CDK15: variants seen among roughly 807,000 people sequenced by gnomAD.
CDK15 encodes the protein cyclin-dependent kinase 15.
A neutral mutation model predicts 60.3 loss-of-function variants in CDK15; 62 were observed. The ratio of observed to expected loss-of-function variants is 1.03; its 90% CI spans 0.84 to 1.27. CDK15 has a LOEUF of 1.27. Among genes scored for constraint, CDK15 ranks in the 50% most tolerant of loss-of-function variants. CDK15 has a pLI of 0.00. For synonymous variants in CDK15, 194 were observed against 195.7 expected, an observed-to-expected ratio of 0.99 and a Z score of 0.07; for missense variants, 541 against 527.8, an observed-to-expected ratio of 1.03 and a Z score of -0.25.
chr2:201,837,046 C>T (rs112014270), intron 8 of CDK15, among the ~76,000 whole-genome samples: 2,832 of 152,018 alleles, frequency 0.019, 35 homozygotes, highest in Middle Eastern at 0.051. Context: ...GTAATCACAG[C>T]GCTTTGGGAG....
rs575295994 is a variant in CDK15 at position 201,882,948 on chromosome 2, C to T, written c.1198+2781C>T. Among the ~76,000 whole-genome samples the T allele has an allele frequency of 3.3e-5, 5 of 152,302 alleles. No individual in the cohort carries two copies. The South Asian group carries it at 1.0e-3, about 32-fold the overall frequency. ...GCAATGAGCCTTTATTAACAGCCTC[C>T]TTTGCAGACAGAGCACACCAGTGGG... is the stretch of plus-strand genomic sequence containing the variant. On this transcript the variant is annotated intron_variant, in intron 12 of 13. Transcript: ENST00000652192. The surrounding 1 kb of genome is among the most constrained non-coding windows in gnomAD (Gnocchi z 4.0).
chr2:201,810,864 A>G (rs1225504799), intron 3 of CDK15, among the ~76,000 whole-genome samples: 2 of 132,788 alleles, frequency 1.5e-5, no homozygotes, highest in Admixed American at 1.7e-4. Context: ...TTTTTTTCTC[A>G]GATGGAGTCT....
chr2:201,850,355 T>G (rs2105780230), intron 9 of CDK15, among the ~76,000 whole-genome samples: 1 of 152,356 alleles, frequency 6.6e-6, no homozygotes, highest in East Asian at 1.9e-4. Context: ...TTTACGGTTC[T>G]TTAGTGTTCA....
chr2:201,890,462 CTT>C (rs1321662294), intron 12 of CDK15, among the ~76,000 whole-genome samples: 2 of 152,172 alleles, frequency 1.3e-5, no homozygotes, highest in Non-Finnish European at 2.9e-5. Context: ...TATCATAATC[CTT>C]TGTTTGTGCC....
At chr2:201,888,033 CTTTT>C (rs80136808) in intron 12 of CDK15, among the ~76,000 whole-genome samples, 10 of 126,444 alleles carry the variant, frequency 7.9e-5, no homozygotes, top group Admixed American at 1.6e-4. Flanking sequence ...AATTTTCAAC[CTTTT>C]TTTTTTTTTT....
Position 201,880,144 on chromosome 2 carries a change from C to T in CDK15, c.1175C>T (p.Ser392Phe). The T allele has an allele frequency of 6.2e-7, 1 of 1,614,056 alleles. No homozygotes were observed. The highest frequency in any genetic ancestry group is 8.5e-7 in the Non-Finnish European group (1 of 1,180,008). Residue 392 changes from serine (S) to phenylalanine (F), a missense_variant, in exon 12 of 14, where the codon TCT (serine) becomes TTT (phenylalanine). Transcript: ENST00000652192. Reference sequence around the variant, plus strand: ...CATGATTATTTCAGCGCCCTGCCATCTCAGCTGTACCAGCTTCCTGATGGT... The same window carrying T: ...CATGATTATTTCAGCGCCCTGCCATTTCAGCTGTACCAGCTTCCTGATGGT... ...LVHDYFSALPSQLYQLPDEES... is the reference protein window; with the variant it reads ...LVHDYFSALPFQLYQLPDEES...
intron 8 of CDK15, 149 bp from the exon 9 acceptor site, chr2:201,847,232 G>C: frequency 1.5e-6 from 1 of 675,222 alleles, no homozygotes; most frequent in Middle Eastern, 3.9e-4. Flanking sequence ...TTGACATAGG[G>C]ACTTTTTTTT....
At chr2:201,878,123 A>G (rs1699148271) in intron 11 of CDK15, among the ~76,000 whole-genome samples, 1 of 152,202 alleles carries the variant, frequency 6.6e-6, no homozygotes, top group African/African-American at 2.4e-5. Context: ...CAGTCCCATG[A>G]TCAGCTGCCC....
intron 2 of CDK15, 79 bp downstream of exon 2, chr2:201,807,722 A>G (rs1352413029): frequency 6.3e-7 from 1 of 1,585,144 alleles, no homozygotes; most frequent in Non-Finnish European, 8.6e-7. Flanking sequence ...TTCCAGGGCA[A>G]TTACTGAGCG....
rs1378851631 is a variant in CDK15, at chr2:201,822,918, C to T, written c.543+15C>T. ...TTGAATACATGGTGAGTTGTTCGAG[C>T]ATTTTACAACACTTGAGAAAAATAA... On this transcript the variant is annotated intron_variant, in intron 5 of 13. Transcript: ENST00000652192. 12 of 1,453,936 alleles carry T rather than the reference C, an allele frequency of 8.3e-6. No homozygotes were observed. The highest frequency in any genetic ancestry group is 1.2e-5 in the Non-Finnish European group (12 of 1,035,598). 90.1% of individuals were successfully genotyped at this position (1,453,936 alleles called of 1,614,324 possible).
At chr2:201,836,059 TA>T (rs1697031048) in intron 8 of CDK15, among the ~76,000 whole-genome samples, 1 of 6,504 alleles carries the variant, frequency 1.5e-4, no homozygotes, top group African/African-American at 3.0e-4. Context: ...ATATATATAT[TA>T]TATATATTTA....
At chr2:201,835,997 TA>T (rs1176708208) in intron 8 of CDK15, among the ~76,000 whole-genome samples, 67 of 9,826 alleles carry the variant, frequency 6.8e-3, no homozygotes, top group African/African-American at 8.7e-3. Context: ...TATATTTATA[TA>T]TATTTATATT....
chr2:201,878,519 T>C (rs1245195965), intron 11 of CDK15, among the ~76,000 whole-genome samples: 1 of 152,166 alleles, frequency 6.6e-6, no homozygotes, highest in Non-Finnish European at 1.5e-5. Context: ...CCATTATAGG[T>C]CAGGTATTGA....
Position 201,835,701 on chromosome 2 carries a change from C to T in CDK15, c.789C>T (p.Leu263=). The change falls in exon 8 of 14, where the codon CTC becomes CTT. Residue 263 remains leucine (L), a synonymous_variant. Coordinates refer to ENST00000652192, the MANE Select transcript of CDK15 (RefSeq NM_001366386.2). ...CATACTCTTCAGAAGTCGTGACCCT[C>T]TGGTACCGGCCCCCTGATGCTTTGC... ...SQTYSSEVVT[L]WYRPPDALLG... 1 of 1,611,624 alleles carries T rather than the reference C, an allele frequency of 6.2e-7. No homozygotes were observed. The highest frequency in any genetic ancestry group is 1.3e-5 in the African/African-American group (1 of 74,880).
chr2:201,820,388 CAAG>C (rs1286742138), intron 4 of CDK15, among the ~76,000 whole-genome samples: 2 of 152,142 alleles, frequency 1.3e-5, no homozygotes, highest in African/African-American at 4.8e-5. Context: ...AAGAAGCTGG[CAAG>C]AAGAGGGAAG....
intron 6 of CDK15, among the ~76,000 whole-genome samples, chr2:201,829,788 T>A (rs1696668529): frequency 6.6e-6 from 1 of 151,824 alleles, no homozygotes; most frequent in Admixed American, 6.6e-5. Context: ...TATTATGTTT[T>A]ATTTTTTAAT....
chr2:201,858,669 C>A (rs1026264148), intron 10 of CDK15, among the ~76,000 whole-genome samples: 2 of 152,058 alleles, frequency 1.3e-5, no homozygotes, highest in African/African-American at 2.4e-5. Context: ...TTCCCAGACT[C>A]TCAGCAGGAT....
intron 10 of CDK15, among the ~76,000 whole-genome samples, chr2:201,870,228 GAA>G (rs919857260): frequency 1.3e-4 from 20 of 152,004 alleles, no homozygotes; most frequent in Non-Finnish European, 2.6e-4. Context: ...GGCAAAGAAG[GAA>G]AAAGGGTAAG....
chr2:201,890,486 CCTT>C, intron 12 of CDK15, among the ~76,000 whole-genome samples: 1 of 152,260 alleles, frequency 6.6e-6, no homozygotes, highest in South Asian at 2.1e-4. Flanking sequence ...CACTTTTGGT[CCTT>C]CTTTGTATGT....
Sources: gnomAD v4.1 joint callset for allele counts (sites outside exome capture counted in the v4.1 genomes callset) on GRCh38, gnomAD v4.1.1 for gene constraint, Gnocchi (gnomAD v3.1) non-coding constraint, MANE v1.5 for transcripts, NCBI Gene and HGNC (gene_info 2026-07-23, HGNC 2026-07-21) for gene names.